The following PPP2R3C variants were observed in gnomAD, a reference collection of about 807,000 sequenced individuals.
The protein encoded by PPP2R3C is serine/threonine-protein phosphatase 2A regulatory subunit B'' subunit gamma.
PPP2R3C carries 47 observed loss-of-function variants against 63.7 expected under a neutral mutation model. The observed-to-expected ratio is 0.74, with a 90% CI of 0.58 to 0.94. The LOEUF (loss-of-function observed/expected upper bound fraction) is 0.94. PPP2R3C is among the 40% of genes least tolerant of loss of function. The probability of loss-of-function intolerance (pLI) is 0.00; values close to 1 mark genes in which losing one functional copy is unlikely to be tolerated. For missense variants in PPP2R3C, 421 were observed against 518.4 expected (o/e 0.81, Z 1.82); for synonymous variants, 180 against 177.4 (o/e 1.01, Z -0.12).
At chr14:35,098,071 G>A (rs2046056612) in intron 7 of PPP2R3C, among the ~76,000 whole-genome samples, 1 of 151,960 alleles carries the variant, frequency 6.6e-6, no homozygotes. Flanking sequence ...AAGTCAAAAC[G>A]TGATATTATT....
chr14:35,116,882 A>G, intron 1 of PPP2R3C, 145 bp from the exon 2 acceptor site: 1 of 655,536 alleles, frequency 1.5e-6, no homozygotes, highest in South Asian at 2.2e-5. Flanking sequence ...CACTGAGCAT[A>G]TTAACTTTTC....
intron 7 of PPP2R3C, among the ~76,000 whole-genome samples, chr14:35,097,460 TTTGTTTTGTC>T (rs2046035402): frequency 6.6e-6 from 1 of 151,224 alleles, no homozygotes; most frequent in African/African-American, 2.4e-5. Flanking sequence ...AAGAGCAGAG[TTTGTTTTGTC>T]TTGTTCTTGT....
intron 2 of PPP2R3C, 140 bp downstream of exon 2, chr14:35,116,470 G>T: frequency 1.9e-6 from 1 of 536,374 alleles, no homozygotes; most frequent in Non-Finnish European, 2.9e-6. Flanking sequence ...GCCCTGGCTG[G>T]TCTCAAATTC....
chr14:35,090,955 T>C (rs1473307843), intron 11 of PPP2R3C, 115 bp downstream of exon 11: 1 of 911,702 alleles, frequency 1.1e-6, no homozygotes, highest in African/African-American at 1.7e-5. Flanking sequence ...GACCTTGTGA[T>C]CCACCTGCCT....
rs375400635 is a variant in PPP2R3C at position 35,088,027 on chromosome 14, T to C, written c.1114-17A>G. 2 of 1,538,184 alleles carry C rather than the reference T, an allele frequency of 1.3e-6. No homozygotes were observed. Among genetic ancestry groups the C allele is most frequent in the African/African-American group, 2.7e-5 (2 of 73,172 alleles). On this transcript the variant is annotated splice_polypyrimidine_tract_variant and intron_variant, in intron 11 of 12. Coordinates refer to ENST00000261475, the MANE Select transcript of PPP2R3C (RefSeq NM_017917.4). ...CTGTATGGCCTGTATTTAATAGAAA[T>C]AAATCTGTAAATAAAAAATGAAATA... is the stretch of plus-strand genomic sequence containing the variant.
intron 6 of PPP2R3C, chr14:35,099,653 TTAAG>T (rs1033138042): frequency 2.5e-4 from 74 of 296,518 alleles, no homozygotes; most frequent in African/African-American, 1.5e-3. Context: ...TCCCCAAAGG[TTAAG>T]TAACTTGTAT....
At chr14:35,097,480 TTC>T (rs1489799861) in intron 7 of PPP2R3C, among the ~76,000 whole-genome samples, 2 of 149,626 alleles carry the variant, frequency 1.3e-5, no homozygotes, top group Non-Finnish European at 3.0e-5. Flanking sequence ...CTTGTTCTTG[TTC>T]TTTTTTTTTT....
At chr14:35,122,047 G>T, upstream of PPP2R3C, 1 of 1,475,640 alleles carries the variant, frequency 6.8e-7, no homozygotes, top group Non-Finnish European at 9.4e-7. Flanking sequence ...GCCAGGCCCC[G>T]TAAAGGTTAG....
At chr14:35,120,509 T>A (rs968087554) in intron 1 of PPP2R3C, among the ~76,000 whole-genome samples, 3 of 152,124 alleles carry the variant, frequency 2.0e-5, no homozygotes, top group African/African-American at 7.2e-5. Flanking sequence ...CCTCCCAAAG[T>A]GCTGGGATTA....
intron 4 of PPP2R3C, among the ~76,000 whole-genome samples, chr14:35,109,382 C>T (rs966539742): frequency 6.6e-6 from 1 of 151,930 alleles, no homozygotes; most frequent in Non-Finnish European, 1.5e-5. Context: ...AACTTCATAC[C>T]AATGTGATTT....
chr14:35,121,732 G>A (rs2138742668), intron 1 of PPP2R3C, 170 bp downstream of exon 1: 1 of 678,434 alleles, frequency 1.5e-6, no homozygotes, highest in East Asian at 2.8e-5. Context: ...AGGAAAGTTT[G>A]GGTCAAACCT....
chr14:35,098,346 G>GTTTTTTTTT (rs376634061), intron 7 of PPP2R3C, among the ~76,000 whole-genome samples: 1 of 94,038 alleles, frequency 1.1e-5, no homozygotes, highest in East Asian at 3.8e-4. Context: ...CGCCTGGCTA[G>GTTTTTTTTT]TTTTTTTTTT....
chr14:35,087,755 C>CA, intron 12 of PPP2R3C, 196 bp downstream of exon 12: 1 of 545,366 alleles, frequency 1.8e-6, no homozygotes, highest in Non-Finnish European at 3.3e-6. Context: ...ATAATGATGA[C>CA]AATACTAAAA....
intron 7 of PPP2R3C, among the ~76,000 whole-genome samples, chr14:35,097,950 T>C (rs2046052233): frequency 6.6e-6 from 1 of 152,150 alleles, no homozygotes; most frequent in African/African-American, 2.4e-5. Flanking sequence ...ATATGTAACC[T>C]AGCAAAGTCT....
At chr14:35,093,167 C>T (rs986301630) in intron 10 of PPP2R3C, among the ~76,000 whole-genome samples, 1 of 151,850 alleles carries the variant, frequency 6.6e-6, no homozygotes. Context: ...GAGCCGAGAT[C>T]GCGCCACTGC....
At chr14:35,109,984 T>A in intron 3 of PPP2R3C, 53 bp from the exon 4 acceptor site, 1 of 1,329,340 alleles carries the variant, frequency 7.5e-7, no homozygotes, top group Non-Finnish European at 1.1e-6. Context: ...AACAAGATTT[T>A]AATATGTAGT....
intron 11 of PPP2R3C, among the ~76,000 whole-genome samples, chr14:35,090,237 G>GTT (rs34745484): frequency 0.013 from 1,518 of 116,800 alleles, 32 homozygotes; most frequent in Middle Eastern, 0.02. Context: ...GGTAGTTGTA[G>GTT]TTTTTTTTTT....
chr14:35,087,705 A>T (rs1404476903), intron 12 of PPP2R3C: 1 of 428,006 alleles, frequency 2.3e-6, no homozygotes, highest in African/African-American at 2.0e-5. Flanking sequence ...CGGCCCCCTG[A>T]CTGTCTTAAT....
chr14:35,111,063 C>T (rs1356552557), intron 2 of PPP2R3C, among the ~76,000 whole-genome samples: 1 of 151,814 alleles, frequency 6.6e-6, no homozygotes, highest in South Asian at 2.1e-4. Flanking sequence ...TGTGCAACCC[C>T]GTCTCTACTA....
Sources: allele counts gnomAD v4.1 joint callset (sites outside exome capture counted in the v4.1 genomes callset), GRCh38; gene constraint gnomAD v4.1.1; transcripts MANE v1.5; gene names NCBI Gene and HGNC (gene_info 2026-07-23, HGNC 2026-07-21).